The following SPATA21 variants were observed in gnomAD, a reference collection of about 807,000 sequenced individuals.
SPATA21 encodes the protein spermatogenesis-associated protein 21.
SPATA21 carries 47 observed loss-of-function variants against 54.8 expected under a neutral mutation model. That is an observed-to-expected ratio of 0.86 (90% CI 0.68 to 1.09). The LOEUF is 1.09. SPATA21 is among the 50% of genes least tolerant of loss of function. The probability of loss-of-function intolerance (pLI) is 0.00; values close to 1 mark genes in which losing one functional copy is unlikely to be tolerated. For synonymous variants in SPATA21, 245 were observed against 235.3 expected (o/e 1.04, Z -0.38); for missense variants, 599 against 596.4 (o/e 1.00, Z -0.05).
At chr1:16,402,890 C>T (rs1014196348) in intron 10 of SPATA21, among the ~76,000 whole-genome samples, 6 of 152,184 alleles carry the variant, frequency 3.9e-5, no homozygotes, top group Admixed American at 1.3e-4. Flanking sequence ...TGTATCACTA[C>T]ACTTCAGCCT....
At chr1:16,408,949 C>T (rs1481601110) in intron 7 of SPATA21, among the ~76,000 whole-genome samples, 169 bp downstream of exon 7, 1 of 151,976 alleles carries the variant, frequency 6.6e-6, no homozygotes, top group Non-Finnish European at 1.5e-5. Flanking sequence ...AGCCAATCCC[C>T]TACCCTGCCC....
chr1:16,432,368 C>G (rs531565912), intron 2 of SPATA21, among the ~76,000 whole-genome samples: 1 of 152,008 alleles, frequency 6.6e-6, no homozygotes, highest in Non-Finnish European at 1.5e-5. Context: ...GTGATCCGCC[C>G]GCCTCGGCCT....
chr1:16,405,004 G>C lies in SPATA21; in HGVS notation c.774C>G (p.Ala258=). The part of the protein sequence containing the change: ...LLLMGFSVTL[A]QVEDALMSAD... ...CACTCATCAGGGCGTCCTCCACCTG[G>C]GCCAGCGTCACAGAGAAGCCCATTA... Residue 258 remains alanine, a synonymous_variant, in exon 8 of 13, where the codon GCC becomes GCG. Coordinates refer to ENST00000335496, the MANE Select transcript of SPATA21 (RefSeq NM_198546.1). 1 of 1,607,450 alleles carries C rather than the reference G, an allele frequency of 6.2e-7. No individual in the cohort carries two copies.
At chr1:16,425,162 CG>C (rs1557669318) in intron 3 of SPATA21, 2 of 464,974 alleles carry the variant, frequency 4.3e-6, no homozygotes, top group Non-Finnish European at 8.5e-6. Context: ...CTGCCTCCTT[CG>C]GCCTCCAGAA....
chr1:16,424,494 A>G (rs2086268263), intron 3 of SPATA21, among the ~76,000 whole-genome samples: 1 of 151,426 alleles, frequency 6.6e-6, no homozygotes. Context: ...ATCTTGGCTC[A>G]CTGCAGCCTG....
At position 16,405,007 on chromosome 1, in the gene SPATA21, C is replaced by T. The variant is rs1363129612; in HGVS notation, c.771G>A (p.Leu257=). Residue 257 remains leucine, a synonymous_variant, in exon 8 of 13, where the codon CTG becomes CTA. Transcript: ENST00000335496. ...TCATCAGGGCGTCCTCCACCTGGGC[C>T]AGCGTCACAGAGAAGCCCATTAGGA... The part of the protein sequence containing the change: ...ILLLMGFSVT[L]AQVEDALMSA... 13 of 1,608,206 alleles carry T rather than the reference C, an allele frequency of 8.1e-6. No individual in the cohort carries two copies. The highest frequency in any genetic ancestry group is 1.1e-5 in the Non-Finnish European group (13 of 1,178,250).
rs1020142921 is a variant in SPATA21 at position 16,425,462 on chromosome 1, G to A, written c.35-3491C>T. ...GAATGGGGGGCATGATAGGAGGGGG[G>A]CTCTTTCACCTCCTCTGTGGTAGGT... On this transcript the variant is annotated intron_variant, in intron 3 of 12. Coordinates refer to ENST00000335496, the MANE Select transcript of SPATA21 (RefSeq NM_198546.1). The A allele has an allele frequency of 8.8e-6, 13 of 1,485,444 alleles. No homozygotes were observed. The South Asian group carries it at 1.5e-4, about 17-fold the overall frequency. The allele number at this position is 1,485,444 out of a possible 1,614,324, so 92.0% of individuals were successfully genotyped here.
At chr1:16,427,865 C>T (rs983278411) in intron 3 of SPATA21, 3 of 1,547,570 alleles carry the variant, frequency 1.9e-6, no homozygotes, top group Non-Finnish European at 2.6e-6. Flanking sequence ...TCAGCTCACC[C>T]TGGTCTTGCT....
At chr1:16,407,562 C>A (rs1472620421) in intron 7 of SPATA21, among the ~76,000 whole-genome samples, 1 of 151,226 alleles carries the variant, frequency 6.6e-6, no homozygotes, top group Non-Finnish European at 1.5e-5. Flanking sequence ...CAGGTTCAAG[C>A]GATTCTTGTG....
intron 3 of SPATA21, among the ~76,000 whole-genome samples, chr1:16,424,231 T>C (rs1216371614): frequency 0.038 from 16 of 426 alleles, no homozygotes; most frequent in East Asian, 0.1. Flanking sequence ...GAGAATGGCA[T>C]GAACCTGGGA....
intron 7 of SPATA21, among the ~76,000 whole-genome samples, chr1:16,405,493 GAAAAA>G (rs538611012): frequency 2.2e-4 from 18 of 81,316 alleles, no homozygotes; most frequent in Non-Finnish European, 3.6e-4. Context: ...AAATAAAAAT[GAAAAA>G]AAAAAAAAAA....
rs189086085 is a variant in SPATA21, at chr1:16,421,177, T to C, written c.144+332A>G. 2.0e-5 allele frequency among the ~76,000 whole-genome samples: 3 copies of C among 152,120 alleles called. No homozygotes were observed. Among genetic ancestry groups the C allele is most frequent in the East Asian group, 3.9e-4 (2 of 5,164 alleles). The stretch of plus-strand genomic sequence containing the variant: ...CCAGGTGTTCAGGGATGCTTTGGAT[T>C]GTGTGGCTGTGGCCGAGGGCAAATG... On this transcript the variant is annotated intron_variant, in intron 5 of 12. Transcript: ENST00000335496. The surrounding 1 kb of genome is among the most constrained non-coding windows in gnomAD (Gnocchi z 5.2).
At chr1:16,416,154 G>A (rs1442828992) in intron 5 of SPATA21, among the ~76,000 whole-genome samples, 2 of 152,228 alleles carry the variant, frequency 1.3e-5, no homozygotes, top group African/African-American at 2.4e-5. Flanking sequence ...TGTGCCACAA[G>A]TGCAGTCACG....
chr1:16,410,685 A>G (rs759828934), intron 5 of SPATA21: 10 of 222,252 alleles, frequency 4.5e-5, no homozygotes, highest in Admixed American at 1.6e-4. Flanking sequence ...TGCTGGGATT[A>G]CAGGCATGAG....
In SPATA21 at chr1:16,418,481, C is replaced by T. The variant is rs1316034293; in HGVS notation, c.144+3028G>A. Among the ~76,000 whole-genome samples, 16 of 151,090 alleles carry T rather than the reference C, an allele frequency of 1.1e-4. No individual in the cohort carries two copies. In the Admixed American group the frequency reaches 1.1e-3, roughly 10 times the overall value. ...TAGAGAAGCGGTTTCACCTTGTTAG[C>T]CAGGATGGTCTCGATCTCCTGACCT... On this transcript the variant is annotated intron_variant, in intron 5 of 12. Coordinates refer to ENST00000335496, the MANE Select transcript of SPATA21 (RefSeq NM_198546.1).
chr1:16,429,124 A>AC (rs2086392533), intron 3 of SPATA21, among the ~76,000 whole-genome samples: 1 of 150,806 alleles, frequency 6.6e-6, no homozygotes, highest in Admixed American at 6.6e-5. Context: ...CAGGGAACAT[A>AC]CCCAAGGGCA....
chr1:16,417,233 G>A (rs1392317181), intron 5 of SPATA21, among the ~76,000 whole-genome samples: 1 of 151,928 alleles, frequency 6.6e-6, no homozygotes, highest in African/African-American at 2.4e-5. Flanking sequence ...CTTGTGATGG[G>A]TCTGCTGCCT....
intron 10 of SPATA21, among the ~76,000 whole-genome samples, chr1:16,403,017 T>C (rs2085503286): frequency 6.6e-6 from 1 of 152,210 alleles, no homozygotes; most frequent in Non-Finnish European, 1.5e-5. Context: ...CTCTGAGGCA[T>C]GAGGGCCTGA....
chr1:16,404,099 G>T (rs1024612687), intron 8 of SPATA21, 60 bp from the exon 9 acceptor site: 4 of 1,418,098 alleles, frequency 2.8e-6, no homozygotes, highest in African/African-American at 2.8e-5. Context: ...ATGCCTTGCA[G>T]CCCAGGCGTG....
Sources: allele counts gnomAD v4.1 joint callset (sites outside exome capture counted in the v4.1 genomes callset), GRCh38; gene constraint gnomAD v4.1.1; non-coding constraint Gnocchi (gnomAD v3.1); transcripts MANE v1.5; gene names NCBI Gene and HGNC (gene_info 2026-07-23, HGNC 2026-07-21).